ARIH2: variants seen among roughly 807,000 people sequenced by gnomAD.
ARIH2 encodes the protein E3 ubiquitin-protein ligase ARIH2.
Under a neutral mutation model 79.8 loss-of-function variants are expected in ARIH2, and 12 were observed. That is an observed-to-expected ratio of 0.15 (90% CI 0.10 to 0.24). The LOEUF (loss-of-function observed/expected upper bound fraction) is 0.24. ARIH2 is among the 10% of genes least tolerant of loss of function. ARIH2 has a pLI of 1.00. For missense variants in ARIH2, 301 were observed against 618.3 expected, an observed-to-expected ratio of 0.49 and a Z score of 5.44; for synonymous variants, 224 against 213.9, an observed-to-expected ratio of 1.05 and a Z score of -0.41.
chr3:48,957,499 C>T lies in ARIH2; in HGVS notation c.256-4113C>T, dbSNP rs76143779. On this transcript the variant is annotated intron_variant, in intron 3 of 15. Transcript: ENST00000356401. ...AGGGCCCATCTGTAGTGAAAAAAGA[C>T]GGCAGCTGTTGGACATGGTCAGAAT... Among the ~76,000 whole-genome samples the T allele has an allele frequency of 3.9e-5, 6 of 152,216 alleles. No individual in the cohort carries two copies. In the East Asian group the frequency reaches 5.8e-4, roughly 15 times the overall value.
At chr3:48,934,498 GTGTT>G (rs1004418745) in intron 3 of ARIH2, 24 of 985,228 alleles carry the variant, frequency 2.4e-5, no homozygotes, top group African/African-American at 1.9e-4. Flanking sequence ...GTTACACTGA[GTGTT>G]TGTGTGCTGA....
intron 11 of ARIH2, 78 bp downstream of exon 11, chr3:48,975,057 T>C: frequency 6.2e-7 from 1 of 1,612,148 alleles, no homozygotes; most frequent in Non-Finnish European, 8.5e-7. Flanking sequence ...AAGTGAGTAC[T>C]TCTGCCATGA....
chr3:48,951,647 G>A (rs2089975606), intron 3 of ARIH2, among the ~76,000 whole-genome samples: 1 of 151,478 alleles, frequency 6.6e-6, no homozygotes, highest in Non-Finnish European at 1.5e-5. Context: ...TTGTGTCATT[G>A]TTGGTAAGTA....
chr3:48,977,846 G>A (rs2092591019), intron 11 of ARIH2, among the ~76,000 whole-genome samples: 1 of 152,168 alleles, frequency 6.6e-6, no homozygotes, highest in East Asian at 1.9e-4. Context: ...CCCAGGAGGA[G>A]AAAAATTGAA....
Position 48,964,350 on chromosome 3 carries a change from C to T in ARIH2, c.324-569C>T, listed in dbSNP as rs549656069. 4.3e-4 allele frequency among the ~76,000 whole-genome samples: 64 copies of T among 147,484 alleles called. 1 individual carries two copies. The highest frequency in any genetic ancestry group is 7.6e-3 in the Middle Eastern group (2 of 262). ...TTTTTTTTTGAGACAGAATCTCGCT[C>T]TGTCTTGCAGGCTGGAGTGCAATGG... On this transcript the variant is annotated intron_variant, in intron 4 of 15. Transcript: ENST00000356401.
rs1038809410 is a variant in ARIH2 at position 48,973,586 on chromosome 3, AAAAAAAG to A, written c.771-105_771-99del. The A allele has an allele frequency of 1.1e-5, 8 of 754,696 alleles. No individual in the cohort carries two copies. In the African/African-American group the frequency reaches 1.4e-4, roughly 13 times the overall value. The allele number at this position is 754,696 out of a possible 1,614,324, so 46.7% of individuals were successfully genotyped here. ...GCAAGACTCTGTCTCAAAAAAAAAA[AAAAAAAG>A]AAAAAAGCTCTAATTCATGATTTGT... On this transcript the variant is annotated intron_variant, in intron 8 of 15. Coordinates refer to ENST00000356401, the MANE Select transcript of ARIH2 (RefSeq NM_006321.4).
At chr3:48,930,752 T>A (rs986407868) in intron 3 of ARIH2, among the ~76,000 whole-genome samples, 1 of 152,252 alleles carries the variant, frequency 6.6e-6, no homozygotes, top group Non-Finnish European at 1.5e-5. Context: ...ATAGTGATAG[T>A]CACCCAGATC....
At chr3:48,928,137 T>C (rs904461608) in intron 3 of ARIH2, among the ~76,000 whole-genome samples, 2 of 152,208 alleles carry the variant, frequency 1.3e-5, no homozygotes, top group African/African-American at 4.8e-5. Flanking sequence ...CAGAATTTTA[T>C]GAGGTTGATA....
chr3:48,942,243 G>T (rs939719094), intron 3 of ARIH2, among the ~76,000 whole-genome samples: 11 of 152,102 alleles, frequency 7.2e-5, no homozygotes, highest in Middle Eastern at 3.4e-3. Context: ...TAGAAACAGG[G>T]TTTCACCATG....
rs752393082 is a variant in ARIH2 at position 48,967,241 on chromosome 3, C to A, written c.504C>A (p.His168Gln). The change falls in exon 6 of 16, where the codon CAC becomes CAA. Residue 168 changes from histidine to glutamine, a missense_variant. By Grantham distance (24) the His-to-Gln change is conservative (BLOSUM62 0). Transcript: ENST00000356401. The stretch of plus-strand genomic sequence containing the variant: ...TTTGCCGCAGCTGCTGGGAGCAGCA[C>A]TGCTCAGTTCTCGTCAAGGACGGCG... ...HQFCRSCWEQ[H>Q]CSVLVKDGVG... 6.2e-7 allele frequency: 1 copy of A among 1,614,232 alleles called. No individual in the cohort carries two copies. The highest frequency in any genetic ancestry group is 1.1e-5 in the South Asian group (1 of 91,086).
In ARIH2 at chr3:48,944,779, T is replaced by C. The variant is rs552155153; in HGVS notation, c.256-16833T>C. 5.9e-5 allele frequency among the ~76,000 whole-genome samples: 9 copies of C among 152,358 alleles called. No individual in the cohort carries two copies. The South Asian group carries it at 1.7e-3, about 28-fold the overall frequency. ...TGGTGTTTACTTACTCCTTTGTCTCTGTGCTTTAACCTTCTTTCTTCCTCT... is the reference window on the plus strand; with the variant it reads ...TGGTGTTTACTTACTCCTTTGTCTCCGTGCTTTAACCTTCTTTCTTCCTCT... On this transcript the variant is annotated intron_variant, in intron 3 of 15. Transcript: ENST00000356401.
At chr3:48,977,128 G>A (rs1364801988) in intron 11 of ARIH2, among the ~76,000 whole-genome samples, 3 of 151,792 alleles carry the variant, frequency 2.0e-5, no homozygotes, top group Non-Finnish European at 2.9e-5. Flanking sequence ...CTTGAACCAG[G>A]GAGGTGTAGG....
chr3:48,981,811 C>T, intron 14 of ARIH2, 83 bp downstream of exon 14: 1 of 1,184,232 alleles, frequency 8.4e-7, no homozygotes, highest in Non-Finnish European at 1.2e-6. Flanking sequence ...AGAGTGAGGA[C>T]CAGACCTTGG....
In ARIH2 at chr3:48,918,975, GCGGCCGCGAGGCCGCAGCTCC is replaced by G. The variant is rs2084307105; in HGVS notation, c.-181_-162+1del. On this transcript the variant is annotated splice_region_variant and 5_prime_UTR_variant, in exon 1 of 16. Transcript: ENST00000356401. ...ACCCGGTCTGGCTTGTTCGGGCTCA[GCGGCCGCGAGGCCGCAGCTCC>G]CGGTAAGTGCGCGGCGCACGTCACG... The G allele has an allele frequency of 6.8e-7, 1 of 1,469,238 alleles. No individual in the cohort carries two copies. The allele number at this position is 1,469,238 out of a possible 1,614,324, so 91.0% of individuals were successfully genotyped here.
chr3:48,980,380 C>T lies in ARIH2; in HGVS notation c.1141C>T (p.Leu381=), dbSNP rs1380553442. 9.9e-6 allele frequency: 16 copies of T among 1,613,816 alleles called. No homozygotes were observed. The Admixed American group carries it at 2.7e-4, about 27-fold the overall frequency. Residue 381 remains leucine, a synonymous_variant, in exon 13 of 16, where the codon CTA becomes TTA. Transcript: ENST00000356401. The stretch of plus-strand genomic sequence containing the variant: ...GGAAAACCACAATAAAAGCTTGCAG[C>T]TAGAGGCACAGACATACCAGCGGAT... ...RWENHNKSLQ[L]EAQTYQRIHE...
In ARIH2 at chr3:48,958,321, T is replaced by TA. The variant is rs1462384659; in HGVS notation, c.256-3285dup. On this transcript the variant is annotated intron_variant, in intron 3 of 15. Coordinates refer to ENST00000356401, the MANE Select transcript of ARIH2 (RefSeq NM_006321.4). ...GGACAACAAAACAAGACCCTGTCTG[T>TA]AAAAAACAGAACAAAAAACTGTTGT... 5.3e-5 allele frequency among the ~76,000 whole-genome samples: 8 copies of TA among 152,162 alleles called. No homozygotes were observed. In the South Asian group the frequency reaches 8.3e-4, roughly 16 times the overall value.
chr3:48,952,206 A>T (rs1315419862), intron 3 of ARIH2, among the ~76,000 whole-genome samples: 1 of 152,208 alleles, frequency 6.6e-6, no homozygotes, highest in East Asian at 1.9e-4. Context: ...GTTCTATAGA[A>T]GTATGTTCTT....
In ARIH2 at chr3:48,934,961, T is replaced by A. The variant is rs934676392; in HGVS notation, c.255+7148T>A. 6 of 985,182 alleles carry A rather than the reference T, an allele frequency of 6.1e-6. No homozygotes were observed. In the African/African-American group the frequency reaches 1.0e-4, roughly 17 times the overall value. The allele number at this position is 985,182 out of a possible 1,614,324, so 61.0% of individuals were successfully genotyped here. The stretch of plus-strand genomic sequence containing the variant: ...ATCAAGGGGTGATACGGTATTTGTG[T>A]GTGTTTGTTTTTTTTTGACATTTAT... On this transcript the variant is annotated intron_variant, in intron 3 of 15. Coordinates refer to ENST00000356401, the MANE Select transcript of ARIH2 (RefSeq NM_006321.4).
At chr3:48,957,755 G>A (rs997460216) in intron 3 of ARIH2, among the ~76,000 whole-genome samples, 1 of 151,980 alleles carries the variant, frequency 6.6e-6, no homozygotes, top group South Asian at 2.1e-4. Context: ...CTCTGCTGTC[G>A]CCCAGGCTGG....
Sources: allele counts gnomAD v4.1 joint callset (sites outside exome capture counted in the v4.1 genomes callset), GRCh38; gene constraint gnomAD v4.1.1; transcripts MANE v1.5; gene names NCBI Gene and HGNC (gene_info 2026-07-23, HGNC 2026-07-21).